Variants in PRDM16 observed in about 807,000 individuals in gnomAD.
PRDM16 encodes histone-lysine N-methyltransferase PRDM16.
Under a neutral mutation model 110.6 loss-of-function variants are expected in PRDM16, and 23 were observed. That is an observed-to-expected ratio of 0.21 (90% confidence interval 0.15 to 0.29). The LOEUF is 0.29. Ranked by LOEUF, PRDM16 falls within the 10% of genes least tolerant of loss-of-function variation. PRDM16 has a pLI of 1.00. For synonymous variants in PRDM16, 799 were observed against 781.8 expected, an observed-to-expected ratio of 1.02 and a Z score of -0.37; for missense variants, 1,615 against 1,794.3, an observed-to-expected ratio of 0.90 and a Z score of 1.81.
At chr1:3,431,588 G>A (rs919411166) in intron 15 of PRDM16, among the ~76,000 whole-genome samples, 2 of 152,236 alleles carry the variant, frequency 1.3e-5, no homozygotes, top group African/African-American at 4.8e-5. Context: ...CCCTTCGGAG[G>A]TGGCACTTCC....
At chr1:3,398,161 A>AAG (rs1327187522) in intron 5 of PRDM16, among the ~76,000 whole-genome samples, 1 of 152,230 alleles carries the variant, frequency 6.6e-6, no homozygotes, top group Non-Finnish European at 1.5e-5. Context: ...TACTTGACTT[A>AAG]AGGAGAGTGC....
rs1380249375 is a variant in PRDM16 at position 3,213,597 on chromosome 1, G to C, written c.387+27123G>C. 6.6e-6 allele frequency among the ~76,000 whole-genome samples: 1 copy of C among 152,152 alleles called. No homozygotes were observed. The highest frequency in any genetic ancestry group is 1.5e-5 in the Non-Finnish European group (1 of 68,034). On this transcript the variant is annotated intron_variant, in intron 2 of 16. Transcript: ENST00000270722. The surrounding 1 kb of genome is among the most constrained non-coding windows in gnomAD (Gnocchi z 5.3). ...AACTCACTCTTTCTCCGAGGAACAG[G>C]AGCAAGTGCGGCATTCTGGAGGGAG...
At chr1:3,298,413 C>T (rs1570018642) in intron 3 of PRDM16, among the ~76,000 whole-genome samples, 1 of 152,334 alleles carries the variant, frequency 6.6e-6, no homozygotes, top group South Asian at 2.1e-4. Flanking sequence ...CCTCTGACGG[C>T]CGACACCAGC....
chr1:3,235,508 G>A (rs1452849944), intron 2 of PRDM16, among the ~76,000 whole-genome samples: 1 of 152,196 alleles, frequency 6.6e-6, no homozygotes, highest in African/African-American at 2.4e-5. Context: ...TCGGGGACAG[G>A]GGCCTGCAGA....
intron 10 of PRDM16, among the ~76,000 whole-genome samples, chr1:3,415,286 C>A (rs1643759935): frequency 6.6e-6 from 1 of 152,232 alleles, no homozygotes; most frequent in Admixed American, 6.5e-5. Context: ...CCTCCTGTCC[C>A]CTACTGACTT....
rs899452052 is a variant in PRDM16, at chr1:3,245,424, C to T, written c.438+1287C>T. ...ACCTGACCCTTCTCTCCAGGTTCAA[C>T]CCCAGATACATTGATTTTGGAGAAA... is the stretch of plus-strand genomic sequence containing the variant. On this transcript the variant is annotated intron_variant, in intron 3 of 16. Coordinates refer to ENST00000270722, the MANE Select transcript of PRDM16 (RefSeq NM_022114.4). The surrounding 1 kb of genome is among the most constrained non-coding windows in gnomAD (Gnocchi z 4.7). Among the ~76,000 whole-genome samples, 1 of 152,250 alleles carries T rather than the reference C, an allele frequency of 6.6e-6. No individual in the cohort carries two copies. The highest frequency in any genetic ancestry group is 2.4e-5 in the African/African-American group (1 of 41,470).
intron 1 of PRDM16, among the ~76,000 whole-genome samples, chr1:3,123,026 C>A (rs1643128574): frequency 6.6e-6 from 1 of 152,168 alleles, no homozygotes; most frequent in Non-Finnish European, 1.5e-5. Flanking sequence ...AAGAAACCTC[C>A]TTGATTTCAC....
At chr1:3,100,926 G>A (rs566188451) in intron 1 of PRDM16, among the ~76,000 whole-genome samples, 275 of 152,128 alleles carry the variant, frequency 1.8e-3, no homozygotes, top group Non-Finnish European at 2.9e-3. Flanking sequence ...GTGACGGGTG[G>A]CACTTGGTCA....
chr1:3,118,893 C>T (rs1211010800), intron 1 of PRDM16, among the ~76,000 whole-genome samples: 1 of 152,234 alleles, frequency 6.6e-6, no homozygotes, highest in Non-Finnish European at 1.5e-5. Flanking sequence ...GGACTGAAGA[C>T]TCCCATCAAA....
chr1:3,385,307 G>A, intron 4 of PRDM16, 21 bp downstream of exon 4: 3 of 1,612,638 alleles, frequency 1.9e-6, no homozygotes, highest in Non-Finnish European at 8.5e-7. Context: ...GCTCATAACA[G>A]GGGCTTCTGC....
At chr1:3,326,039 A>C (rs1313202842) in intron 3 of PRDM16, among the ~76,000 whole-genome samples, 5 of 55,294 alleles carry the variant, frequency 9.0e-5, no homozygotes, top group East Asian at 6.8e-4. Context: ...CTCCTTGGCC[A>C]TCCTCGGCCC....
In PRDM16 at chr1:3,157,418, C is replaced by T. The variant is rs1008399181; in HGVS notation, c.38-28707C>T. On this transcript the variant is annotated intron_variant, in intron 1 of 16. Transcript: ENST00000270722. This position sits in a 1 kb window ranked among gnomAD's most constrained non-coding sequence, Gnocchi z 4.8. ...CCAGGCTCCCAGGCCTTTTGCGATC[C>T]CATTAAAAAAAAAAAAAAAAAAAAC... Among the ~76,000 whole-genome samples, 3 of 107,748 alleles carry T rather than the reference C, an allele frequency of 2.8e-5. No homozygotes were observed. The highest frequency in any genetic ancestry group is 5.3e-5 in the Non-Finnish European group (3 of 56,764). 70.7% of individuals were successfully genotyped at this position (107,748 alleles called of 152,430 possible). A position where few individuals can be genotyped will look rare whatever the true frequency, so the allele number is the denominator to read the frequency against.
At chr1:3,409,760 AGTGT>A (rs1031140484) in intron 8 of PRDM16, among the ~76,000 whole-genome samples, 2 of 55,320 alleles carry the variant, frequency 3.6e-5, no homozygotes, top group East Asian at 8.8e-4. Context: ...TGTGGGTGTG[AGTGT>A]GTGTGGTTGT....
At chr1:3,238,765 C>T (rs533553861) in intron 2 of PRDM16, among the ~76,000 whole-genome samples, 33 of 152,288 alleles carry the variant, frequency 2.2e-4, no homozygotes, top group Admixed American at 2.2e-3. Flanking sequence ...AAGGGCCTGG[C>T]GTGTGTCTTC....
chr1:3,276,122 G>C (rs1273815483), intron 3 of PRDM16, among the ~76,000 whole-genome samples: 2 of 152,248 alleles, frequency 1.3e-5, no homozygotes, highest in Non-Finnish European at 2.9e-5. Flanking sequence ...AGGGCTTCAA[G>C]GGGGGAGAAA....
chr1:3,082,280 T>C (rs906973164), intron 1 of PRDM16, among the ~76,000 whole-genome samples: 1 of 152,164 alleles, frequency 6.6e-6, no homozygotes, highest in African/African-American at 2.4e-5. Context: ...TTTCTGTTCC[T>C]TGGGTTCTGC....
chr1:3,198,868 G>T (rs1034056809), intron 2 of PRDM16, among the ~76,000 whole-genome samples: 1 of 152,080 alleles, frequency 6.6e-6, no homozygotes, highest in African/African-American at 2.4e-5. Flanking sequence ...AAATACCTAC[G>T]TCCACTCCGT....
At chr1:3,084,781 T>C (rs747415663) in intron 1 of PRDM16, among the ~76,000 whole-genome samples, 3 of 152,174 alleles carry the variant, frequency 2.0e-5, no homozygotes, top group Admixed American at 2.0e-4. Context: ...CTCACTGTTC[T>C]CGGGCGTCCC....
intron 1 of PRDM16, among the ~76,000 whole-genome samples, chr1:3,074,154 G>C (rs1268410953): frequency 2.0e-5 from 3 of 152,170 alleles, no homozygotes; most frequent in Admixed American, 1.3e-4. Context: ...GAGACGGGCC[G>C]GGCTCCCTAG....
Sources: allele counts gnomAD v4.1 joint callset (sites outside exome capture counted in the v4.1 genomes callset), GRCh38; gene constraint gnomAD v4.1.1; non-coding constraint Gnocchi (gnomAD v3.1); transcripts MANE v1.5; gene names NCBI Gene and HGNC (gene_info 2026-07-23, HGNC 2026-07-21).